The following CACNA1E variants were observed in gnomAD, a reference collection of about 807,000 sequenced individuals.
CACNA1E encodes calcium voltage-gated channel subunit alpha1 E.
In CACNA1E, 40 loss-of-function variants were observed where a neutral mutation model predicts 259.2. That is an observed-to-expected ratio of 0.15 (90% CI 0.12 to 0.20). CACNA1E has a LOEUF of 0.20. CACNA1E is among the 10% of genes least tolerant of loss of function. CACNA1E has a pLI of 1.00. For missense variants in CACNA1E, 1,874 were observed against 3,040.1 expected, an observed-to-expected ratio of 0.62 and a Z score of 9.02; for synonymous variants, 1,104 against 1,138.5, an observed-to-expected ratio of 0.97 and a Z score of 0.61.
intron 7 of CACNA1E, among the ~76,000 whole-genome samples, chr1:181,667,537 G>A (rs191387598): frequency 1.3e-5 from 2 of 152,046 alleles, no homozygotes; most frequent in African/African-American, 2.4e-5. Flanking sequence ...AAGAAAAGAG[G>A]GAGGAAAGAT....
intron 17 of CACNA1E, among the ~76,000 whole-genome samples, 159 bp downstream of exon 17, chr1:181,724,696 C>A (rs190914837): frequency 2.6e-5 from 4 of 152,210 alleles, no homozygotes; most frequent in African/African-American, 9.7e-5. Flanking sequence ...ACACCCATGA[C>A]GGAAGGCTGG....
In CACNA1E at chr1:181,512,827, G is replaced by C. The variant is rs545442088; in HGVS notation, c.512+1317G>C. 2.6e-5 allele frequency among the ~76,000 whole-genome samples: 4 copies of C among 152,238 alleles called. No individual in the cohort carries two copies. In the South Asian group the frequency reaches 6.2e-4, roughly 24 times the overall value. ...TTTTCTGGAGGTTAGTTTTCTAAAAGAAAATTCTACTACATTTTAAATATG... is the reference window on the plus strand; with the variant it reads ...TTTTCTGGAGGTTAGTTTTCTAAAACAAAATTCTACTACATTTTAAATATG... On this transcript the variant is annotated intron_variant, in intron 3 of 47. Transcript: ENST00000367573.
At chr1:181,623,605 A>T (rs1391957091) in intron 6 of CACNA1E, among the ~76,000 whole-genome samples, 1 of 152,264 alleles carries the variant, frequency 6.6e-6, no homozygotes, top group Non-Finnish European at 1.5e-5. Context: ...ATTTCAGACC[A>T]CTGCAATAAA....
At chr1:181,710,410 C>T (rs1653232671) in intron 7 of CACNA1E, among the ~76,000 whole-genome samples, 1 of 152,180 alleles carries the variant, frequency 6.6e-6, no homozygotes, top group Non-Finnish European at 1.5e-5. Context: ...CAAATCCCAG[C>T]AAGGCATTTC....
intron 1 of CACNA1E, among the ~76,000 whole-genome samples, chr1:181,380,824 A>G (rs527638319): frequency 2.0e-5 from 3 of 152,334 alleles, no homozygotes; most frequent in Non-Finnish European, 4.4e-5. Flanking sequence ...TACCTACAAA[A>G]TGATATAACC....
chr1:181,350,161 A>C (rs1178613747), intron 1 of CACNA1E, among the ~76,000 whole-genome samples: 1 of 152,180 alleles, frequency 6.6e-6, no homozygotes, highest in Non-Finnish European at 1.5e-5. Context: ...TAATGCTTTA[A>C]TTATGCAGGC....
At position 181,798,342 on chromosome 1, in the gene CACNA1E, C is replaced by A; in HGVS notation, c.6450C>A (p.Ser2150Arg). ...ESSIPSVSDT[S>R]TPRRSRRQLP... Reference sequence around the variant, plus strand: ...CCATCCCCTCTGTCTCTGACACCAGCACCCCAAGAAGAAGTCGTCGGCAGC... The same window carrying A: ...CCATCCCCTCTGTCTCTGACACCAGAACCCCAAGAAGAAGTCGTCGGCAGC... Residue 2150 changes from serine to arginine, a missense_variant, in exon 48 of 48, where the codon AGC (serine) becomes AGA (arginine). Ser to Arg is a moderately radical substitution (Grantham distance 110). This residue lies in a region of CACNA1E where 542 missense variants were observed against 587.2 expected (regional missense o/e 0.92). Coordinates refer to ENST00000367573, the MANE Select transcript of CACNA1E (RefSeq NM_001205293.3). This position sits in a 1 kb window ranked among gnomAD's most constrained non-coding sequence, Gnocchi z 4.2. 6.2e-7 allele frequency: 1 copy of A among 1,609,110 alleles called. No individual in the cohort carries two copies.
intron 3 of CACNA1E, among the ~76,000 whole-genome samples, chr1:181,572,240 G>A (rs543949152): frequency 6.6e-6 from 1 of 152,132 alleles, no homozygotes; most frequent in African/African-American, 2.4e-5. Flanking sequence ...GAATTCTTTG[G>A]GCGACTAACT....
chr1:181,333,809 C>T (rs1470532496), intron 1 of CACNA1E, among the ~76,000 whole-genome samples: 2 of 152,168 alleles, frequency 1.3e-5, no homozygotes, highest in Non-Finnish European at 1.5e-5. Flanking sequence ...GCATGTACCA[C>T]CACGCCCGGC....
At chr1:181,496,963 T>G (rs1173909650) in intron 1 of CACNA1E, among the ~76,000 whole-genome samples, 1 of 151,948 alleles carries the variant, frequency 6.6e-6, no homozygotes, top group African/African-American at 2.4e-5. Context: ...TGTCTGGAGG[T>G]GGGGTGAGTA....
intron 6 of CACNA1E, among the ~76,000 whole-genome samples, chr1:181,617,513 C>A (rs1274317811): frequency 1.3e-5 from 2 of 152,184 alleles, no homozygotes; most frequent in Admixed American, 1.3e-4. Context: ...GACTTTTGTT[C>A]TCTGTGTATT....
chr1:181,504,787 A>G (rs1394785740), intron 1 of CACNA1E, among the ~76,000 whole-genome samples: 1 of 152,206 alleles, frequency 6.6e-6, no homozygotes, highest in East Asian at 1.9e-4. Flanking sequence ...CAACCATTCA[A>G]AGGAAGGAGC....
chr1:181,495,074 G>T (rs1373382955), intron 1 of CACNA1E, among the ~76,000 whole-genome samples: 1 of 152,100 alleles, frequency 6.6e-6, no homozygotes, highest in Non-Finnish European at 1.5e-5. Context: ...TAGCATCTTG[G>T]TTTCTCCAAA....
chr1:181,726,504 G>A (rs544570985), intron 18 of CACNA1E, among the ~76,000 whole-genome samples: 40 of 152,268 alleles, frequency 2.6e-4, no homozygotes, highest in African/African-American at 9.4e-4. Flanking sequence ...TAAGTGTGTA[G>A]ATGACAGTCA....
At chr1:181,755,914 C>CTA in intron 28 of CACNA1E, 42 bp from the exon 29 acceptor site, 1 of 1,596,346 alleles carries the variant, frequency 6.3e-7, no homozygotes, top group South Asian at 1.1e-5. Flanking sequence ...GTAGAATGAG[C>CTA]TATAGTGAGG....
At chr1:181,641,281 G>A (rs1170713003) in intron 6 of CACNA1E, among the ~76,000 whole-genome samples, 1 of 152,192 alleles carries the variant, frequency 6.6e-6, no homozygotes, top group Non-Finnish European at 1.5e-5. Context: ...TGTAATTGGT[G>A]GAGTAAGGGG....
At chr1:181,332,628 C>G (rs983363999) in intron 1 of CACNA1E, among the ~76,000 whole-genome samples, 4 of 152,186 alleles carry the variant, frequency 2.6e-5, no homozygotes, top group Non-Finnish European at 5.9e-5. Flanking sequence ...AAAAAGTCTT[C>G]TAGTTTGGTG....
intron 1 of CACNA1E, among the ~76,000 whole-genome samples, chr1:181,498,562 A>G (rs1558057117): frequency 6.6e-6 from 1 of 152,202 alleles, no homozygotes; most frequent in Non-Finnish European, 1.5e-5. Context: ...GTAATCATGT[A>G]TGCTCTTTCT....
chr1:181,702,528 A>G (rs1652371497), intron 7 of CACNA1E, among the ~76,000 whole-genome samples: 1 of 152,058 alleles, frequency 6.6e-6, no homozygotes, highest in Non-Finnish European at 1.5e-5. Flanking sequence ...GTAAAACTCA[A>G]ATCTTTATAG....
Sources: allele counts gnomAD v4.1 joint callset (sites outside exome capture counted in the v4.1 genomes callset), GRCh38; gene constraint gnomAD v4.1.1; regional missense constraint gnomAD v4.1.1; non-coding constraint Gnocchi (gnomAD v3.1); transcripts MANE v1.5; gene names NCBI Gene and HGNC (gene_info 2026-07-23, HGNC 2026-07-21).